Variants in PTPN3 observed in about 807,000 individuals in gnomAD.
PTPN3 encodes the protein tyrosine-protein phosphatase non-receptor type 3.
Under a neutral mutation model 132.7 loss-of-function variants are expected in PTPN3, and 96 were observed. That is an observed-to-expected ratio of 0.72 (90% CI 0.61 to 0.86). The LOEUF (loss-of-function observed/expected upper bound fraction) is 0.86, where lower values mean the gene tolerates loss of function less well. PTPN3 is among the 40% of genes least tolerant of loss of function. The pLI is 0.00. For synonymous variants in PTPN3, 398 were observed against 429.0 expected (o/e 0.93, Z 0.89); for missense variants, 1,125 against 1,159.6 (o/e 0.97, Z 0.43).
chr9:109,525,222 T>G, the PTPN3 span, among the ~76,000 whole-genome samples: 2 of 150,980 alleles, frequency 1.3e-5, no homozygotes, highest in South Asian at 4.2e-4. Context: ...CCCAGATAAT[T>G]AAAAAAAAAT....
chr9:109,487,598 A>G (rs1199512512), intron 1 of PTPN3, among the ~76,000 whole-genome samples: 1 of 152,234 alleles, frequency 6.6e-6, no homozygotes, highest in Non-Finnish European at 1.5e-5. Flanking sequence ...AGTTTGAGAA[A>G]CACTGCTACA....
upstream of PTPN3, among the ~76,000 whole-genome samples, chr9:109,499,380 A>G (rs1194518057): frequency 6.6e-6 from 1 of 152,094 alleles, no homozygotes; most frequent in Non-Finnish European, 1.5e-5. Context: ...TGGCCGAGGG[A>G]ACAGCCAGTG....
intron 1 of PTPN3, among the ~76,000 whole-genome samples, chr9:109,487,211 G>A (rs543080942): frequency 1.3e-5 from 2 of 152,306 alleles, no homozygotes; most frequent in Admixed American, 6.5e-5. Context: ...GAAGGTAGGA[G>A]GGGAGAGGAG....
chr9:109,503,301 T>C (rs911900616), upstream of PTPN3, among the ~76,000 whole-genome samples: 5 of 152,126 alleles, frequency 3.3e-5, no homozygotes, highest in African/African-American at 1.2e-4. Context: ...GAAGCGTTAG[T>C]CAAATTCAGG....
In PTPN3 at chr9:109,391,100, G is replaced by A. The variant is rs758858787; in HGVS notation, c.2106+38C>T. ...CCCTCATCATCGTTGCGACAGTGGTGAATGTGCTCTTAAGCATCATCCAGA... is the reference window on the plus strand; with the variant it reads ...CCCTCATCATCGTTGCGACAGTGGTAAATGTGCTCTTAAGCATCATCCAGA... On this transcript the variant is annotated intron_variant, in intron 21 of 25. Coordinates refer to ENST00000374541, the MANE Select transcript of PTPN3 (RefSeq NM_002829.4). The A allele has an allele frequency of 8.9e-6, 14 of 1,578,246 alleles. No homozygotes were observed. In the South Asian group the frequency reaches 1.6e-4, roughly 18 times the overall value.
At chr9:109,417,439 G>C (rs1842600110) in intron 14 of PTPN3, 2 of 338,710 alleles carry the variant, frequency 5.9e-6, no homozygotes, top group African/African-American at 4.5e-5. Flanking sequence ...CTGACAGAAT[G>C]CTTCTTTTTG....
chr9:109,452,518 A>G (rs1369586017), intron 5 of PTPN3, among the ~76,000 whole-genome samples: 1 of 151,970 alleles, frequency 6.6e-6, no homozygotes, highest in Non-Finnish European at 1.5e-5. Flanking sequence ...ACACATATAC[A>G]TGTAAACACA....
chr9:109,428,145 G>A (rs1843411078), intron 11 of PTPN3, among the ~76,000 whole-genome samples: 2 of 152,350 alleles, frequency 1.3e-5, no homozygotes, highest in Non-Finnish European at 2.9e-5. Flanking sequence ...CAAGTGCTTT[G>A]ACCAATCCTC....
intron 14 of PTPN3, among the ~76,000 whole-genome samples, chr9:109,416,982 T>G (rs1842553469): frequency 6.6e-6 from 1 of 152,226 alleles, no homozygotes; most frequent in Non-Finnish European, 1.5e-5. Flanking sequence ...CTGTTCTGCA[T>G]GTCTCTTTCT....
At chr9:109,394,446 G>C (rs1444898653) in intron 19 of PTPN3, among the ~76,000 whole-genome samples, 1 of 151,378 alleles carries the variant, frequency 6.6e-6, no homozygotes, top group African/African-American at 2.4e-5. Context: ...TGTTATGGCA[G>C]TGTTTACATT....
intron 2 of PTPN3, among the ~76,000 whole-genome samples, chr9:109,457,786 C>T (rs540068435): frequency 3.4e-4 from 52 of 152,300 alleles, no homozygotes; most frequent in African/African-American, 1.2e-3. Context: ...CCTCAGGACA[C>T]ACCTGTGGCT....
rs1564401202 is a variant in PTPN3 at position 109,406,682 on chromosome 9, TG to T, written c.1636-65del. The T allele has an allele frequency of 1.3e-4, 212 of 1,580,222 alleles. No homozygotes were observed. The South Asian group carries it at 2.3e-3, about 17-fold the overall frequency. ...AACACAGTCCTTGGGGGAAGAACGC[TG>T]ACTCGCTCTGCTCCCAGACACCTGG... On this transcript the variant is annotated intron_variant, in intron 17 of 25. Transcript: ENST00000374541.
chr9:109,516,196 C>T, the PTPN3 span, among the ~76,000 whole-genome samples: 1 of 152,114 alleles, frequency 6.6e-6, no homozygotes, highest in Non-Finnish European at 1.5e-5. Context: ...CTCATTCACT[C>T]GTGATGATAG....
chr9:109,445,832 C>T (rs899234195), intron 6 of PTPN3, among the ~76,000 whole-genome samples: 14 of 152,174 alleles, frequency 9.2e-5, no homozygotes, highest in East Asian at 1.9e-4. Context: ...TAACTAATTA[C>T]GATGACTTAG....
intron 19 of PTPN3, among the ~76,000 whole-genome samples, chr9:109,402,621 T>C (rs1841234710): frequency 6.6e-6 from 1 of 152,162 alleles, no homozygotes; most frequent in South Asian, 2.1e-4. Flanking sequence ...CAGCCTCCTG[T>C]AGGCCACTGA....
At chr9:109,400,709 C>A (rs1011945743) in intron 19 of PTPN3, among the ~76,000 whole-genome samples, 2 of 152,196 alleles carry the variant, frequency 1.3e-5, no homozygotes, top group Non-Finnish European at 2.9e-5. Flanking sequence ...AGACTGTGTT[C>A]CCTCATGCCT....
chr9:109,464,145 G>A (rs1238176351), intron 1 of PTPN3, among the ~76,000 whole-genome samples: 1 of 152,188 alleles, frequency 6.6e-6, no homozygotes, highest in East Asian at 1.9e-4. Flanking sequence ...GGAGGGTGTG[G>A]AGCAACCAGA....
intron 1 of PTPN3, among the ~76,000 whole-genome samples, chr9:109,479,283 T>G (rs1431767576): frequency 6.6e-6 from 1 of 152,214 alleles, no homozygotes; most frequent in African/African-American, 2.4e-5. Flanking sequence ...CCACATAGTA[T>G]TTGTCTATTT....
intron 12 of PTPN3, among the ~76,000 whole-genome samples, chr9:109,423,422 T>C (rs971023179): frequency 2.0e-5 from 3 of 152,104 alleles, no homozygotes; most frequent in African/African-American, 7.2e-5. Flanking sequence ...CTGGCCAACA[T>C]GGCAAAACCC....
Sources: gnomAD v4.1 joint callset for allele counts (sites outside exome capture counted in the v4.1 genomes callset) on GRCh38, gnomAD v4.1.1 for gene constraint, MANE v1.5 for transcripts, NCBI Gene and HGNC (gene_info 2026-07-23, HGNC 2026-07-21) for gene names.